Variants in COL4A1 observed in about 807,000 individuals in gnomAD.
The protein encoded by COL4A1 is collagen type IV alpha 1 chain.
A neutral mutation model predicts 216.6 loss-of-function variants in COL4A1; 40 were observed. That is an observed-to-expected ratio of 0.18 (90% confidence interval 0.14 to 0.24). The LOEUF is 0.24. COL4A1 is among the 10% of genes least tolerant of loss of function. COL4A1 has a pLI of 1.00. For missense variants in COL4A1, 1,628 were observed against 2,196.8 expected (o/e 0.74, Z 5.18); for synonymous variants, 839 against 810.7 (o/e 1.03, Z -0.59).
At chr13:110,179,527 G>T in intron 29 of COL4A1, 106 bp from the exon 30 acceptor site, 2 of 1,503,724 alleles carry the variant, frequency 1.3e-6, no homozygotes, top group Non-Finnish European at 9.2e-7. Context: ...AATGCATTTA[G>T]TAAGAATATT....
In COL4A1 at chr13:110,183,114, C is replaced by A. The variant is rs767080133; in HGVS notation, c.1991-17G>T. On this transcript the variant is annotated splice_polypyrimidine_tract_variant and intron_variant, in intron 27 of 51. Coordinates refer to ENST00000375820, the MANE Select transcript of COL4A1 (RefSeq NM_001845.6). ...CTCGGTCTCCTGTGGTGAGAAAGAC[C>A]AACAGTCAGCGTGAGAAAAACGTGA... The A allele has an allele frequency of 1.2e-6, 2 of 1,612,206 alleles. No homozygotes were observed. Among genetic ancestry groups the A allele is most frequent in the Non-Finnish European group, 1.7e-6 (2 of 1,179,230 alleles).
chr13:110,150,127 T>C lies in COL4A1; in HGVS notation c.*236A>G, dbSNP rs140945148. ...ATTGCAGAAAATATTGATATTTTAT[T>C]TCATCAAAAGTGCCATTTGGTATGC... On this transcript the variant is annotated 3_prime_UTR_variant, in exon 52 of 52. Transcript: ENST00000375820. 45 of 563,528 alleles carry C rather than the reference T, an allele frequency of 8.0e-5. No individual in the cohort carries two copies. In the African/African-American group the frequency reaches 8.1e-4, roughly 10 times the overall value. The allele number at this position is 563,528 out of a possible 1,614,324, so 34.9% of individuals were successfully genotyped here.
At chr13:110,255,903 AGGGGGAAGGCAGGAAGGG>A (rs1882535082) in intron 1 of COL4A1, among the ~76,000 whole-genome samples, 1 of 36,872 alleles carries the variant, frequency 2.7e-5, no homozygotes, top group Non-Finnish European at 5.0e-5. Flanking sequence ...GCAGGAAGGG[AGGGGGAAGGCAGGAAGGG>A]AGGGGGAAGG....
chr13:110,177,912 G>T lies in COL4A1; in HGVS notation c.2646C>A (p.Gly882=), dbSNP rs759550770. The T allele has an allele frequency of 6.8e-6, 11 of 1,614,056 alleles. No homozygotes were observed. The highest frequency in any genetic ancestry group is 1.3e-5 in the African/African-American group (1 of 74,996). ...PGFPGSKGEM[G]VMGTPGQPGS... Reference sequence around the variant, plus strand: ...CCGGCTGCCCGGGGGTCCCCATGACGCCCATTTCTCCCTTGGAACCTGTGG... The same window carrying T: ...CCGGCTGCCCGGGGGTCCCCATGACTCCCATTTCTCCCTTGGAACCTGTGG... Residue 882 remains glycine (G), a synonymous_variant, in exon 33 of 52, where the codon GGC becomes GGA. Coordinates refer to ENST00000375820, the MANE Select transcript of COL4A1 (RefSeq NM_001845.6).
At chr13:110,296,117 A>T (rs2139317565) in intron 1 of COL4A1, among the ~76,000 whole-genome samples, 1 of 152,342 alleles carries the variant, frequency 6.6e-6, no homozygotes, top group Non-Finnish European at 1.5e-5. Context: ...ACAGGAAGAA[A>T]TCTATGACAG....
chr13:110,249,815 G>A (rs1251732513), intron 1 of COL4A1, among the ~76,000 whole-genome samples: 1 of 152,136 alleles, frequency 6.6e-6, no homozygotes, highest in East Asian at 1.9e-4. Flanking sequence ...TAGGCCAAAT[G>A]TTGTAGTACA....
At position 110,155,314 on chromosome 13, in the gene COL4A1, G is replaced by C; in HGVS notation, c.4724C>G (p.Ser1575Cys). The C allele has an allele frequency of 6.2e-7, 1 of 1,613,964 alleles. No homozygotes were observed. The highest frequency in any genetic ancestry group is 1.7e-5 in the Admixed American group (1 of 60,030). ...IQIPPCPSGW[S>C]SLWIGYSFVM... ...AAAAGAGTAGCCGATCCACAGCGAG[G>C]ACCACCCGCTGGGGCACGGTGGGAT... Residue 1575 changes from serine to cysteine, a missense_variant, in exon 50 of 52, where the codon TCC becomes TGC. Ser to Cys is a moderately radical substitution (Grantham distance 112, BLOSUM62 -1). Around this residue, in one of 8 missense-constraint regions of COL4A1, gnomAD observed 254 missense variants for 300.1 expected, o/e 0.85. Transcript: ENST00000375820.
chr13:110,287,453 C>G lies in COL4A1; in HGVS notation c.84+19491G>C, dbSNP rs992082493. On this transcript the variant is annotated intron_variant, in intron 1 of 51. Coordinates refer to ENST00000375820, the MANE Select transcript of COL4A1 (RefSeq NM_001845.6). Reference sequence around the variant, plus strand: ...GTGAAGTTCCCGGTTCCTCTCTAAACAAGAAGCACCACCACAGCCAAGACT... The same window carrying G: ...GTGAAGTTCCCGGTTCCTCTCTAAAGAAGAAGCACCACCACAGCCAAGACT... 1.4e-3 allele frequency among the ~76,000 whole-genome samples: 208 copies of G among 152,300 alleles called. 2 individuals carry two copies. Among genetic ancestry groups the G allele is most frequent in the Non-Finnish European group, 5.3e-4 (36 of 68,032 alleles).
intron 2 of COL4A1, among the ~76,000 whole-genome samples, chr13:110,215,669 A>T (rs576320889): frequency 1.6e-4 from 25 of 152,230 alleles, no homozygotes; most frequent in Non-Finnish European, 3.4e-4. Flanking sequence ...AATTGGGTAG[A>T]TTCAGTAACC....
At chr13:110,206,108 T>C (rs1879503151) in intron 15 of COL4A1, among the ~76,000 whole-genome samples, 1 of 152,226 alleles carries the variant, frequency 6.6e-6, no homozygotes, top group Admixed American at 6.5e-5. Flanking sequence ...AAAATATGAT[T>C]GTATCTTGGT....
intron 2 of COL4A1, among the ~76,000 whole-genome samples, chr13:110,235,277 A>G (rs1032554102): frequency 3.9e-5 from 6 of 152,254 alleles, no homozygotes; most frequent in Non-Finnish European, 7.3e-5. Flanking sequence ...TCTAAGAAGC[A>G]TAACACCTTT....
intron 1 of COL4A1, among the ~76,000 whole-genome samples, chr13:110,285,218 G>A (rs66500342): frequency 0.16 from 23,953 of 152,222 alleles, 2,187 homozygotes; most frequent in South Asian, 0.21. Context: ...AGGAAGCATC[G>A]ATTTTCCATT....
chr13:110,258,071 TACA>T (rs1323466522), intron 1 of COL4A1, among the ~76,000 whole-genome samples: 2 of 152,204 alleles, frequency 1.3e-5, no homozygotes, highest in Admixed American at 1.3e-4. Context: ...GTGCATACAA[TACA>T]ACAAGGCTAT....
chr13:110,159,306 T>C (rs939313547), intron 49 of COL4A1, among the ~76,000 whole-genome samples: 2 of 152,182 alleles, frequency 1.3e-5, no homozygotes, highest in African/African-American at 2.4e-5. Context: ...ACTTTTTATG[T>C]ATAAATCTGT....
intron 1 of COL4A1, among the ~76,000 whole-genome samples, chr13:110,270,247 T>G (rs1883197531): frequency 6.6e-6 from 1 of 152,238 alleles, no homozygotes; most frequent in South Asian, 2.1e-4. Flanking sequence ...AGGGGCACAT[T>G]AACGATTTCC....
At chr13:110,296,591 C>A (rs1018436142) in intron 1 of COL4A1, among the ~76,000 whole-genome samples, 18 of 152,214 alleles carry the variant, frequency 1.2e-4, no homozygotes, top group African/African-American at 4.3e-4. Context: ...GAGGTTTCCC[C>A]ACATACCAAG....
At chr13:110,157,370 G>A (rs760271197) in intron 49 of COL4A1, among the ~76,000 whole-genome samples, 11 of 152,198 alleles carry the variant, frequency 7.2e-5, no homozygotes, top group Non-Finnish European at 1.0e-4. Flanking sequence ...TGCTCAAAAC[G>A]AAGGCTTTTG....
At chr13:110,232,998 C>T (rs1043132763) in intron 2 of COL4A1, among the ~76,000 whole-genome samples, 3 of 152,124 alleles carry the variant, frequency 2.0e-5, no homozygotes, top group African/African-American at 7.2e-5. Flanking sequence ...TGTTCGGGAA[C>T]GGGATGTGTG....
At chr13:110,261,260 G>A (rs991428473) in intron 1 of COL4A1, among the ~76,000 whole-genome samples, 3 of 152,058 alleles carry the variant, frequency 2.0e-5, no homozygotes, top group African/African-American at 7.2e-5. Flanking sequence ...GAAGCCCCCC[G>A]ACCCATCACA....
Sources: gnomAD v4.1 joint callset for allele counts (sites outside exome capture counted in the v4.1 genomes callset) on GRCh38, gnomAD v4.1.1 for gene constraint, gnomAD v4.1.1 regional missense constraint, MANE v1.5 for transcripts, NCBI Gene and HGNC (gene_info 2026-07-23, HGNC 2026-07-21) for gene names.